GALK2: variants seen among roughly 807,000 people sequenced by gnomAD.
GALK2 encodes the protein galactokinase 2.
GALK2 carries 36 observed loss-of-function variants against 52.4 expected under a neutral mutation model. That is an observed-to-expected ratio of 0.69 (90% confidence interval 0.53 to 0.91). The LOEUF (loss-of-function observed/expected upper bound fraction) is 0.91, where lower values mean the gene tolerates loss of function less well. Among genes scored for constraint, GALK2 ranks in the 40% least tolerant of loss-of-function variants. The pLI is 0.00. For synonymous variants in GALK2, 176 were observed against 199.1 expected (o/e 0.88, Z 0.98); for missense variants, 579 against 559.1 (o/e 1.04, Z -0.36).
intron 8 of GALK2, 74 bp from the exon 9 acceptor site, chr15:49,319,530 A>G (rs1408717328): frequency 1.6e-6 from 2 of 1,228,380 alleles, no homozygotes; most frequent in East Asian, 2.4e-5. Context: ...AAGTCTTTAA[A>G]AGTGTATTTT....
chr15:49,267,156 G>A lies in GALK2; in HGVS notation c.505-14831G>A, dbSNP rs1000738404. On this transcript the variant is annotated intron_variant, in intron 5 of 9. Transcript: ENST00000560031. The stretch of plus-strand genomic sequence containing the variant: ...TTTTGCAATGGGAGAGAGAAATTGG[G>A]CTCAACTCTGAATACAGCATGGCCA... 5.3e-5 allele frequency among the ~76,000 whole-genome samples: 8 copies of A among 152,168 alleles called. No individual in the cohort carries two copies. The South Asian group carries it at 6.2e-4, about 12-fold the overall frequency.
intron 1 of GALK2, among the ~76,000 whole-genome samples, chr15:49,184,383 C>A (rs1399027697): frequency 2.0e-5 from 3 of 151,934 alleles, no homozygotes; most frequent in African/African-American, 7.3e-5. Context: ...AAGTTTGTTG[C>A]TTGTAGGCAA....
At chr15:49,350,013 C>A (rs561427203) in intron 3 of GALK2, among the ~76,000 whole-genome samples, 97 of 152,290 alleles carry the variant, frequency 6.4e-4, no homozygotes, top group Non-Finnish European at 1.2e-3. Flanking sequence ...AATATGTAAA[C>A]TCTTAAGCCC....
At chr15:49,171,143 C>T (rs570357910) in intron 1 of GALK2, among the ~76,000 whole-genome samples, 1 of 142,704 alleles carries the variant, frequency 7.0e-6, no homozygotes, top group African/African-American at 2.6e-5. Flanking sequence ...AGTGCAGTGG[C>T]GCCATCTTGG....
chr15:49,278,618 T>G (rs1374654632), intron 5 of GALK2, among the ~76,000 whole-genome samples: 3 of 152,190 alleles, frequency 2.0e-5, no homozygotes, highest in Non-Finnish European at 4.4e-5. Flanking sequence ...TGGGTATTTT[T>G]CTCCTTATTA....
At position 49,351,066 on chromosome 15, in the gene GALK2, A is replaced by G. The variant is rs76392837; in HGVS notation, c.427-16425A>G. On this transcript the variant is annotated intron_variant, in intron 3 of 3. Coordinates refer to the GALK2 transcript ENST00000558399. Reference sequence around the variant, plus strand: ...CATACGCTGTGGTTTGAGCTCTACAATCAATGAATTTTTCTCATTCTTTCC... The same window carrying G: ...CATACGCTGTGGTTTGAGCTCTACAGTCAATGAATTTTTCTCATTCTTTCC... 5.6e-3 allele frequency among the ~76,000 whole-genome samples: 858 copies of G among 152,232 alleles called. 6 individuals are homozygous for G. The highest frequency in any genetic ancestry group is 0.02 in the African/African-American group (818 of 41,542).
chr15:49,173,788 GCTGGA>G (rs1042041531), intron 1 of GALK2, among the ~76,000 whole-genome samples: 7 of 152,098 alleles, frequency 4.6e-5, no homozygotes, highest in African/African-American at 1.7e-4. Flanking sequence ...CGCTCTGTTG[GCTGGA>G]GTGCAGTGGC....
rs1349879417 is a variant in GALK2 at position 49,274,770 on chromosome 15, A to G, written c.505-7217A>G. On this transcript the variant is annotated intron_variant, in intron 5 of 9. Transcript: ENST00000560031. ...ATTTTTAAAATTTTTTAATTTTTTAACGTTTTAAACTTTTAGTTTTTTTGT... is the reference window on the plus strand; with the variant it reads ...ATTTTTAAAATTTTTTAATTTTTTAGCGTTTTAAACTTTTAGTTTTTTTGT... 4.6e-5 allele frequency among the ~76,000 whole-genome samples: 7 copies of G among 152,090 alleles called. No homozygotes were observed. In the East Asian group the frequency reaches 1.3e-3, roughly 29 times the overall value.
At chr15:49,156,246 C>G (rs1331055922) in intron 1 of GALK2, 2 of 546,488 alleles carry the variant, frequency 3.7e-6, no homozygotes, top group Non-Finnish European at 6.6e-6. Flanking sequence ...CTTTACAGCC[C>G]TTGGGACCAA....
chr15:49,165,162 G>C (rs923222164), intron 1 of GALK2, among the ~76,000 whole-genome samples: 1 of 152,154 alleles, frequency 6.6e-6, no homozygotes, highest in Admixed American at 6.5e-5. Flanking sequence ...ATGAAACATG[G>C]AATATGAATT....
intron 8 of GALK2, among the ~76,000 whole-genome samples, chr15:49,314,272 T>C (rs569898333): frequency 1.2e-4 from 18 of 152,268 alleles, no homozygotes; most frequent in Non-Finnish European, 2.4e-4. Context: ...TCTTTCTCTT[T>C]TATTTGAAAC....
chr15:49,174,579 C>T (rs1345908274), intron 1 of GALK2, among the ~76,000 whole-genome samples: 2 of 152,088 alleles, frequency 1.3e-5, no homozygotes, highest in South Asian at 2.1e-4. Context: ...CTCCTGACCT[C>T]GTGATCTGCC....
intron 1 of GALK2, among the ~76,000 whole-genome samples, chr15:49,181,300 G>T (rs2085950449): frequency 6.6e-6 from 1 of 151,436 alleles, no homozygotes; most frequent in African/African-American, 2.4e-5. Flanking sequence ...GTAGAGATGG[G>T]GTTTTGCCTT....
intron 9 of GALK2, among the ~76,000 whole-genome samples, chr15:49,321,691 T>G (rs1157861716): frequency 6.6e-6 from 1 of 152,218 alleles, no homozygotes; most frequent in Admixed American, 6.5e-5. Flanking sequence ...GTTTCACATA[T>G]GAGTTCATTG....
chr15:49,209,514 C>G (rs2088627558), intron 2 of GALK2, among the ~76,000 whole-genome samples: 1 of 151,916 alleles, frequency 6.6e-6, no homozygotes, highest in South Asian at 2.1e-4. Context: ...TCCTTCTGTA[C>G]CTAGTATGTT....
At chr15:49,299,579 A>G (rs767348965) in intron 8 of GALK2, among the ~76,000 whole-genome samples, 2 of 152,046 alleles carry the variant, frequency 1.3e-5, no homozygotes, top group South Asian at 4.1e-4. Flanking sequence ...ATTCTGATAT[A>G]TATTTGTTTT....
chr15:49,286,455 T>C (rs191154955), intron 7 of GALK2, among the ~76,000 whole-genome samples: 19 of 152,352 alleles, frequency 1.2e-4, no homozygotes, highest in African/African-American at 4.3e-4. Context: ...TTAGCACTTC[T>C]CCTCTTACTT....
At chr15:49,364,853 T>C (rs2044855066) in intron 3 of GALK2, among the ~76,000 whole-genome samples, 1 of 146,666 alleles carries the variant, frequency 6.8e-6, no homozygotes, top group Non-Finnish European at 1.5e-5. Flanking sequence ...GGTCAAGGCA[T>C]TTTTTTTTTT....
chr15:49,224,301 C>T, intron 3 of GALK2, among the ~76,000 whole-genome samples: 1 of 152,144 alleles, frequency 6.6e-6, no homozygotes, highest in South Asian at 2.1e-4. Context: ...TATCTGTTTA[C>T]TCTGTTGATA....
Sources: gnomAD v4.1 joint callset for allele counts (sites outside exome capture counted in the v4.1 genomes callset) on GRCh38, gnomAD v4.1.1 for gene constraint, MANE v1.5 for transcripts, NCBI Gene and HGNC (gene_info 2026-07-23, HGNC 2026-07-21) for gene names.